NRXN3: variants seen among roughly 807,000 people sequenced by gnomAD.
NRXN3 encodes neurexin 3, also known as neurexin III.
Under a neutral mutation model 137.6 loss-of-function variants are expected in NRXN3, and 32 were observed. That is an observed-to-expected ratio of 0.23 (90% CI 0.18 to 0.31). The LOEUF is 0.31. NRXN3 is among the 10% of genes least tolerant of loss of function. The pLI is 1.00. For missense variants in NRXN3, 1,574 were observed against 2,062.5 expected (o/e 0.76, Z 4.59); for synonymous variants, 798 against 784.5 (o/e 1.02, Z -0.29).
intron 17 of NRXN3, among the ~76,000 whole-genome samples, 197 bp downstream of exon 17, chr14:79,664,146 T>C (rs2098547121): frequency 6.6e-6 from 1 of 152,146 alleles, no homozygotes; most frequent in African/African-American, 2.4e-5. Context: ...CTTTACCAAC[T>C]ATGCACTGGA....
chr14:78,916,129 A>G (rs1044428478), intron 10 of NRXN3, among the ~76,000 whole-genome samples: 56 of 152,092 alleles, frequency 3.7e-4, no homozygotes, highest in African/African-American at 1.3e-3. Context: ...TATATTTTAC[A>G]TTACTTACTG....
chr14:78,191,021 G>C (rs11623896), intron 1 of NRXN3, among the ~76,000 whole-genome samples: 2 of 151,936 alleles, frequency 1.3e-5, no homozygotes, highest in Non-Finnish European at 2.9e-5. Context: ...TTTCTAACCA[G>C]GTAAGCGTCC....
chr14:79,218,954 G>T (rs2069021030), intron 15 of NRXN3, among the ~76,000 whole-genome samples: 1 of 152,122 alleles, frequency 6.6e-6, no homozygotes, highest in Admixed American at 6.6e-5. Flanking sequence ...GGTTAGCAAG[G>T]TCTTGTAATA....
chr14:79,791,013 C>T (rs1024132408), intron 19 of NRXN3, among the ~76,000 whole-genome samples: 1 of 152,140 alleles, frequency 6.6e-6, no homozygotes. Context: ...GGGCACCAAG[C>T]CATTCATGAG....
intron 5 of NRXN3, among the ~76,000 whole-genome samples, chr14:78,650,190 T>C (rs140229895): frequency 2.6e-5 from 4 of 152,190 alleles, no homozygotes; most frequent in Non-Finnish European, 5.9e-5. Context: ...TGTTCTTCGG[T>C]TTGTTCAATG....
intron 16 of NRXN3, among the ~76,000 whole-genome samples, chr14:79,484,584 C>T (rs2096638689): frequency 6.6e-6 from 1 of 152,166 alleles, no homozygotes; most frequent in Admixed American, 6.5e-5. Context: ...GCCCCCCAAT[C>T]TCCACCACTC....
At position 78,871,808 on chromosome 14, in the gene NRXN3, C is replaced by T. The variant is rs573207044; in HGVS notation, c.2275+61464C>T. ...TTTATTCTTTATTTTAAACTGAGAT[C>T]CGTCATCACAAAAGCCATTCCCATT... On this transcript the variant is annotated intron_variant, in intron 10 of 20. Transcript: ENST00000335750. Among the ~76,000 whole-genome samples the T allele has an allele frequency of 2.6e-4, 39 of 152,204 alleles. No individual in the cohort carries two copies. In the South Asian group the frequency reaches 3.5e-3, roughly 14 times the overall value.
intron 8 of NRXN3, among the ~76,000 whole-genome samples, chr14:78,748,173 G>T (rs2098621600): frequency 6.6e-6 from 1 of 152,136 alleles, no homozygotes; most frequent in Non-Finnish European, 1.5e-5. Context: ...AACTGAATCA[G>T]ACAGAACCCC....
At chr14:78,560,667 C>T (rs774087767) in intron 4 of NRXN3, among the ~76,000 whole-genome samples, 8 of 152,126 alleles carry the variant, frequency 5.3e-5, no homozygotes, top group Non-Finnish European at 1.0e-4. Context: ...GAAGTGCAGG[C>T]TCTGGGATGG....
At chr14:79,118,248 A>G (rs550052244) in intron 15 of NRXN3, among the ~76,000 whole-genome samples, 1 of 152,310 alleles carries the variant, frequency 6.6e-6, no homozygotes, top group African/African-American at 2.4e-5. Context: ...AAACAAGGAT[A>G]GTTTTTAACC....
intron 8 of NRXN3, among the ~76,000 whole-genome samples, chr14:78,742,945 G>A (rs1431486099): frequency 6.6e-6 from 1 of 151,974 alleles, no homozygotes; most frequent in Non-Finnish European, 1.5e-5. Context: ...CAATAATTAA[G>A]GTCTAATACT....
rs2067244845 is a variant in NRXN3 at position 78,243,170 on chromosome 14, T to C, written c.77T>C (p.Leu26Pro). The change falls in exon 2 of 21, where the codon CTG (leucine) becomes CCG (proline). Residue 26 changes from leucine to proline, a missense_variant. This residue lies in a region of NRXN3 where 400 missense variants were observed against 527.3 expected (regional missense o/e 0.76). Transcript: ENST00000335750. This position sits in a 1 kb window ranked among gnomAD's most constrained non-coding sequence, Gnocchi z 4.2. ...CTGGGGTCCCTGCTGGGGCTCTGCC[T>C]GGGCCTTGAGTTCATGGGCCTCCCC... ...ILLGSLLGLC[L>P]GLEFMGLPNQ... 2 of 1,545,106 alleles carry C rather than the reference T, an allele frequency of 1.3e-6. No individual in the cohort carries two copies. Among genetic ancestry groups the C allele is most frequent in the Non-Finnish European group, 1.7e-6 (2 of 1,152,182 alleles).
chr14:78,965,351 AC>A (rs1358954168), intron 11 of NRXN3, among the ~76,000 whole-genome samples: 5 of 152,058 alleles, frequency 3.3e-5, no homozygotes, highest in Non-Finnish European at 7.4e-5. Context: ...ATTCTGATAC[AC>A]CCTAAAGTGT....
At chr14:79,285,827 CT>C (rs1416724549) in intron 15 of NRXN3, among the ~76,000 whole-genome samples, 3 of 152,152 alleles carry the variant, frequency 2.0e-5, no homozygotes, top group Non-Finnish European at 4.4e-5. Context: ...AGTTCAGCCC[CT>C]AATGCTCTTT....
chr14:78,828,985 C>A (rs887957875), intron 10 of NRXN3, among the ~76,000 whole-genome samples: 4 of 152,052 alleles, frequency 2.6e-5, no homozygotes, highest in Non-Finnish European at 5.9e-5. Context: ...ACATTTGATA[C>A]TTGAATGATG....
Position 78,242,678 on chromosome 14 carries a change from C to G in NRXN3, c.-416C>G, listed in dbSNP as rs1003482452. On this transcript the variant is annotated 5_prime_UTR_variant, in exon 2 of 21. Coordinates refer to ENST00000335750, the MANE Select transcript of NRXN3 (RefSeq NM_001330195.2). ...CTCCCTGGCTGGGGCATTTGGGGGTCCGCTGGGAGGAGTGCATCGCTGAAG... is the reference window on the plus strand; with the variant it reads ...CTCCCTGGCTGGGGCATTTGGGGGTGCGCTGGGAGGAGTGCATCGCTGAAG... 1 of 167,064 alleles carries G rather than the reference C, an allele frequency of 6.0e-6. No individual in the cohort carries two copies. Among genetic ancestry groups the G allele is most frequent in the African/African-American group, 2.4e-5 (1 of 41,932 alleles). 10.3% of individuals were successfully genotyped at this position (167,064 alleles called of 1,614,324 possible). A position where few individuals can be genotyped will look rare whatever the true frequency, so the allele number is the denominator to read the frequency against.
chr14:78,864,656 C>T (rs1007013066), intron 10 of NRXN3, among the ~76,000 whole-genome samples: 1 of 152,070 alleles, frequency 6.6e-6, no homozygotes, highest in Non-Finnish European at 1.5e-5. Context: ...AAAAAGCATA[C>T]AAATTAATAT....
At chr14:79,627,634 A>C (rs565825349) in intron 16 of NRXN3, among the ~76,000 whole-genome samples, 1 of 152,318 alleles carries the variant, frequency 6.6e-6, no homozygotes, top group South Asian at 2.1e-4. Context: ...TTGTTCAATG[A>C]ATATGAGAAA....
chr14:78,543,412 G>A (rs1021504951), intron 4 of NRXN3, among the ~76,000 whole-genome samples: 8 of 151,840 alleles, frequency 5.3e-5, no homozygotes, highest in Non-Finnish European at 1.2e-4. Context: ...TCCAATTTCA[G>A]TGCTAACAAT....
Sources: allele counts gnomAD v4.1 joint callset (sites outside exome capture counted in the v4.1 genomes callset), GRCh38; gene constraint gnomAD v4.1.1; regional missense constraint gnomAD v4.1.1; non-coding constraint Gnocchi (gnomAD v3.1); transcripts MANE v1.5; gene names NCBI Gene and HGNC (gene_info 2026-07-23, HGNC 2026-07-21).